The following ZNF131 variants were observed in gnomAD, a reference collection of about 807,000 sequenced individuals.
ZNF131 encodes zinc finger protein 131.
A neutral mutation model predicts 60.0 loss-of-function variants in ZNF131; 7 were observed. That is an observed-to-expected ratio of 0.12 (90% CI 0.07 to 0.22). ZNF131 has a LOEUF of 0.22. ZNF131 is among the 10% of genes least tolerant of loss of function. The pLI is 1.00. For missense variants in ZNF131, 493 were observed against 740.9 expected (o/e 0.67, Z 3.88); for synonymous variants, 257 against 253.2 (o/e 1.01, Z -0.14).
chr5:43,126,708 C>G (rs889895034), intron 3 of ZNF131, among the ~76,000 whole-genome samples: 1 of 152,158 alleles, frequency 6.6e-6, no homozygotes, highest in Non-Finnish European at 1.5e-5. Context: ...CATACTCTTC[C>G]GATCATCGTC....
intron 3 of ZNF131, among the ~76,000 whole-genome samples, chr5:43,133,346 T>C (rs755520600): frequency 5.3e-5 from 8 of 152,132 alleles, no homozygotes; most frequent in Non-Finnish European, 1.5e-5. Context: ...GCACCTGTAA[T>C]CTCAGCTACT....
chr5:43,153,530 A>G (rs1392560717), intron 4 of ZNF131, among the ~76,000 whole-genome samples: 1 of 150,940 alleles, frequency 6.6e-6, no homozygotes, highest in Non-Finnish European at 1.5e-5. Flanking sequence ...CTGTGATCTC[A>G]GCTACTTAGG....
chr5:43,165,275 G>T (rs924300011), intron 5 of ZNF131, among the ~76,000 whole-genome samples: 78 of 151,448 alleles, frequency 5.2e-4, no homozygotes, highest in African/African-American at 1.8e-3. Context: ...AGAAGTCCAA[G>T]ATCAATCTGC....
At chr5:43,160,419 G>A (rs1749537737) in intron 4 of ZNF131, among the ~76,000 whole-genome samples, 1 of 151,592 alleles carries the variant, frequency 6.6e-6, no homozygotes, top group Non-Finnish European at 1.5e-5. Context: ...AGGATCACTT[G>A]AGCCCAAGAG....
intron 4 of ZNF131, among the ~76,000 whole-genome samples, chr5:43,158,788 A>T (rs981438523): frequency 6.6e-6 from 1 of 151,462 alleles, no homozygotes; most frequent in Admixed American, 6.6e-5. Context: ...GTTCCTGTGG[A>T]CTTCCCTCAA....
rs71608692 is a variant in ZNF131 at position 43,160,678 on chromosome 5, C to CTTTTTTTTT, written c.372-557_372-549dup. 6.6e-4 allele frequency among the ~76,000 whole-genome samples: 61 copies of CTTTTTTTTT among 93,038 alleles called. 3 individuals carry two copies. Among genetic ancestry groups the CTTTTTTTTT allele is most frequent in the South Asian group, 5.4e-3 (13 of 2,408 alleles). The allele number at this position is 93,038 out of a possible 152,430, so 61.0% of individuals were successfully genotyped here. On this transcript the variant is annotated intron_variant, in intron 4 of 6. Transcript: ENST00000682664. ...TCACTGTTAAATGATTAGCTTGGAA[C>CTTTTTTTTT]TTTTTTTTTTTTTTTTTTTTTTGAG... is the stretch of plus-strand genomic sequence containing the variant.
At chr5:43,135,283 C>A (rs1490809341) in intron 3 of ZNF131, among the ~76,000 whole-genome samples, 1 of 151,934 alleles carries the variant, frequency 6.6e-6, no homozygotes, top group Non-Finnish European at 1.5e-5. Context: ...GTGTGAGCCA[C>A]TGCGCCCGGC....
chr5:43,172,065 G>A (rs1230059312), intron 5 of ZNF131, among the ~76,000 whole-genome samples: 1 of 152,222 alleles, frequency 6.6e-6, no homozygotes, highest in Admixed American at 6.5e-5. Flanking sequence ...CCTTCTTAAA[G>A]GAATTTTGGT....
At chr5:43,155,798 CTATCTT>C (rs1448385911) in intron 4 of ZNF131, among the ~76,000 whole-genome samples, 4 of 152,156 alleles carry the variant, frequency 2.6e-5, no homozygotes, top group African/African-American at 9.7e-5. Flanking sequence ...TGTTGTGAAT[CTATCTT>C]TATAAACTTT....
At chr5:43,173,605 G>GT (rs934438928) in intron 6 of ZNF131, among the ~76,000 whole-genome samples, 157 bp downstream of exon 6, 4 of 151,912 alleles carry the variant, frequency 2.6e-5, no homozygotes, top group Non-Finnish European at 2.9e-5. Flanking sequence ...GACTAAATTA[G>GT]TTTTTTTTAA....
At chr5:43,127,565 C>T (rs950342672) in intron 3 of ZNF131, among the ~76,000 whole-genome samples, 17 of 152,144 alleles carry the variant, frequency 1.1e-4, no homozygotes, top group African/African-American at 2.9e-4. Flanking sequence ...TAGAGGATTG[C>T]GTAAAAGCAA....
chr5:43,123,403 G>A (rs1254982273), intron 3 of ZNF131, 93 bp downstream of exon 3: 4 of 1,113,768 alleles, frequency 3.6e-6, no homozygotes, highest in Non-Finnish European at 5.1e-6. Flanking sequence ...CAAACAATTG[G>A]TGAAGCAGTT....
intron 4 of ZNF131, among the ~76,000 whole-genome samples, chr5:43,157,095 A>G (rs766877487): frequency 4.6e-5 from 7 of 152,184 alleles, no homozygotes; most frequent in East Asian, 1.9e-4. Flanking sequence ...TATCTTATCT[A>G]TGGTTTCCCA....
At position 43,139,177 on chromosome 5, in the gene ZNF131, T is replaced by G. The variant is rs1205461613; in HGVS notation, c.239T>G (p.Met80Arg). ...ATCTTCTTTACAGGTGTTAGTAAAA[T>G]GGCCTTTCGCCATTTAATTGAGTTC... is the stretch of plus-strand genomic sequence containing the variant. ...PLVEIEGVSKMAFRHLIEFTY... is the reference protein window; with the variant it reads ...PLVEIEGVSKRAFRHLIEFTY... Residue 80 changes from methionine to arginine, a missense_variant, in exon 4 of 7, where the codon ATG becomes AGG. By Grantham distance (91) the Met-to-Arg change is moderately conservative. Transcript: ENST00000682664. 1 of 1,597,972 alleles carries G rather than the reference T, an allele frequency of 6.3e-7. No homozygotes were observed. The highest frequency in any genetic ancestry group is 8.5e-7 in the Non-Finnish European group (1 of 1,173,202).
chr5:43,145,142 A>G (rs1340255671), intron 4 of ZNF131, among the ~76,000 whole-genome samples: 1 of 151,946 alleles, frequency 6.6e-6, no homozygotes, highest in African/African-American at 2.4e-5. Flanking sequence ...TATGCCTCTG[A>G]GACTCAGTTG....
intron 5 of ZNF131, among the ~76,000 whole-genome samples, chr5:43,162,546 C>A (rs188842299): frequency 7.0e-6 from 1 of 141,918 alleles, no homozygotes; most frequent in Admixed American, 7.4e-5. Context: ...GAGCCGAGAT[C>A]ATGCCACTGC....
rs529551154 is a variant in ZNF131, at chr5:43,161,407, T to C, written c.530T>C (p.Ile177Thr). 1.5e-5 allele frequency: 24 copies of C among 1,614,212 alleles called. No individual in the cohort carries two copies. In the South Asian group the frequency reaches 1.9e-4, roughly 13 times the overall value. ...GAGGTAGAGATTGCCGAAGGCACCA[T>C]TGAAGTGGAAGATGAAGGCATCGAA... ...EIEVEIAEGT[I>T]EVEDEGIETL... is the part of the protein sequence containing the mutation. The change falls in exon 5 of 7, where the codon ATT becomes ACT. Residue 177 changes from isoleucine to threonine, a missense_variant. Ile to Thr is a moderately conservative substitution (Grantham distance 89). Transcript: ENST00000682664.
chr5:43,153,509 G>A (rs1410574556), intron 4 of ZNF131, among the ~76,000 whole-genome samples: 3 of 150,304 alleles, frequency 2.0e-5, no homozygotes, highest in Admixed American at 6.7e-5. Flanking sequence ...GCTGGGCCTG[G>A]TGGCACATGC....
chr5:43,147,440 C>T lies in ZNF131; in HGVS notation c.371+8131C>T, dbSNP rs529779664. Among the ~76,000 whole-genome samples, 65 of 150,236 alleles carry T rather than the reference C, an allele frequency of 4.3e-4. No individual in the cohort carries two copies. The South Asian group carries it at 4.8e-3, about 11-fold the overall frequency. On this transcript the variant is annotated intron_variant, in intron 4 of 6. Transcript: ENST00000682664. ...TTATTTATTTATTTATTTTTTGAGACGGAGTCTCGCTCTGTCGCCCAGGCT... is the reference window on the plus strand; with the variant it reads ...TTATTTATTTATTTATTTTTTGAGATGGAGTCTCGCTCTGTCGCCCAGGCT...
Sources: gnomAD v4.1 joint callset for allele counts (sites outside exome capture counted in the v4.1 genomes callset) on GRCh38, gnomAD v4.1.1 for gene constraint, MANE v1.5 for transcripts, NCBI Gene and HGNC (gene_info 2026-07-23, HGNC 2026-07-21) for gene names.